The following ENPP5 variants were observed in gnomAD, a reference collection of about 807,000 sequenced individuals.
The protein encoded by ENPP5 is ectonucleotide pyrophosphatase/phosphodiesterase family member 5.
ENPP5 carries 27 observed loss-of-function variants against 33.7 expected under a neutral mutation model. That is an observed-to-expected ratio of 0.80 (90% CI 0.59 to 1.11). ENPP5 has a LOEUF of 1.11. Among genes scored for constraint, ENPP5 ranks in the 50% least tolerant of loss-of-function variants. ENPP5 has a pLI of 0.00. For synonymous variants in ENPP5, 199 were observed against 200.5 expected (o/e 0.99, Z 0.06); for missense variants, 552 against 579.2 (o/e 0.95, Z 0.48).
Position 46,160,994 on chromosome 6 carries a change from T to A in ENPP5, c.*332A>T. 1 of 211,782 alleles carries A rather than the reference T, an allele frequency of 4.7e-6. No individual in the cohort carries two copies. The highest frequency in any genetic ancestry group is 9.7e-6 in the Non-Finnish European group (1 of 103,560). The allele number at this position is 211,782 out of a possible 1,614,324, so 13.1% of individuals were successfully genotyped here. On this transcript the variant is annotated 3_prime_UTR_variant, in exon 5 of 5. Coordinates refer to ENST00000371383, the MANE Select transcript of ENPP5 (RefSeq NM_001290072.2). ...ATTAAAGTACCCATCAGGAGAGAAATTTAAAGTGCAATACATAAGGTACTT... is the reference window on the plus strand; with the variant it reads ...ATTAAAGTACCCATCAGGAGAGAAAATTAAAGTGCAATACATAAGGTACTT...
chr6:46,165,287 G>A, intron 4 of ENPP5, 100 bp downstream of exon 4: 1 of 928,566 alleles, frequency 1.1e-6, no homozygotes, highest in Admixed American at 2.8e-5. Flanking sequence ...GTAACAGACA[G>A]TAAAAATATC....
Position 46,168,265 on chromosome 6 carries a change from T to G in ENPP5, c.-3A>C. 6.6e-7 allele frequency: 1 copy of G among 1,524,910 alleles called. No individual in the cohort carries two copies. Among genetic ancestry groups the G allele is most frequent in the Non-Finnish European group, 9.0e-7 (1 of 1,112,942 alleles). 94.5% of individuals were successfully genotyped at this position (1,524,910 alleles called of 1,614,324 possible). A position where few individuals can be genotyped will look rare whatever the true frequency, so the allele number is the denominator to read the frequency against. ...ACCAAGAGAAATTTCGAAGTCATTT[T>G]CAAAGTACTTGATCAGTTCAGTGTA... On this transcript the variant is annotated 5_prime_UTR_variant, in exon 3 of 5. Coordinates refer to ENST00000371383, the MANE Select transcript of ENPP5 (RefSeq NM_001290072.2).
rs1313797504 is a variant in ENPP5, at chr6:46,161,734, A to G, written c.1026T>C (p.Asp342=). The change falls in exon 5 of 5, where the codon GAT becomes GAC. Residue 342 remains aspartate, a synonymous_variant. Transcript: ENST00000371383. ...DDFLLGNHGY[D]NALADMHPIF... is the part of the protein sequence containing the mutation. ...TTGGATGCATATCTGCTAACGCATT[A>G]TCGTAACCGTGGTTGCCTACTGTAA... is the stretch of plus-strand genomic sequence containing the variant. The G allele has an allele frequency of 1.9e-6, 3 of 1,610,362 alleles. No individual in the cohort carries two copies. Among genetic ancestry groups the G allele is most frequent in the East Asian group, 2.2e-5 (1 of 44,886 alleles).
Position 46,161,211 on chromosome 6 carries a change from C to T in ENPP5, c.*115G>A. ...TGTGTGTGTATACCTAAATATGTAA[C>T]TGCTTAATGGTTTCTGCAAATGTTT... On this transcript the variant is annotated 3_prime_UTR_variant, in exon 5 of 5. Coordinates refer to ENST00000371383, the MANE Select transcript of ENPP5 (RefSeq NM_001290072.2). The T allele has an allele frequency of 1.3e-6, 1 of 790,572 alleles. No individual in the cohort carries two copies. Among genetic ancestry groups the T allele is most frequent in the Non-Finnish European group, 2.0e-6 (1 of 503,038 alleles). The allele number at this position is 790,572 out of a possible 1,614,324, so 49.0% of individuals were successfully genotyped here.
chr6:46,164,486 A>C (rs1489697604), intron 4 of ENPP5, among the ~76,000 whole-genome samples: 3 of 152,226 alleles, frequency 2.0e-5, no homozygotes, highest in Admixed American at 2.0e-4. Flanking sequence ...ATTAAACATA[A>C]TATAAATTGA....
rs1028533114 is a variant in ENPP5 at position 46,167,670 on chromosome 6, C to T, written c.593G>A (p.Gly198Glu). 8 of 1,614,050 alleles carry T rather than the reference C, an allele frequency of 5.0e-6. No homozygotes were observed. The Admixed American group carries it at 1.0e-4, about 20-fold the overall frequency. Residue 198 changes from glycine (G) to glutamate (E), a missense_variant, in exon 3 of 5, where the codon GGA becomes GAA. Gly to Glu is a moderately conservative substitution (Grantham distance 98, BLOSUM62 -2). Transcript: ENST00000371383. The stretch of plus-strand genomic sequence containing the variant: ...AGGCCCCATGAGCGGACTGTCAGGT[C>T]CCAAATGGTGGCCCATGTCATCAGG... ...EDPDDMGHHL[G>E]PDSPLMGPVI...
intron 2 of ENPP5, among the ~76,000 whole-genome samples, chr6:46,169,760 T>C (rs1764681326): frequency 6.6e-6 from 1 of 152,208 alleles, no homozygotes; most frequent in African/African-American, 2.4e-5. Context: ...TACAGGTAAA[T>C]AAAAACTACT....
intron 2 of ENPP5, among the ~76,000 whole-genome samples, chr6:46,168,832 A>T (rs939450436): frequency 7.9e-5 from 12 of 152,048 alleles, no homozygotes; most frequent in African/African-American, 1.7e-4. Flanking sequence ...CAGACAAAAG[A>T]TGTATTACTA....
chr6:46,166,669 T>A (rs899616711), intron 3 of ENPP5, among the ~76,000 whole-genome samples: 2 of 106,260 alleles, frequency 1.9e-5, no homozygotes, highest in African/African-American at 5.5e-5. Context: ...CGCTGTTTCA[T>A]ATGATTCTAA....
rs1446965174 is a variant in ENPP5 at position 46,160,639 on chromosome 6, G to A, written c.*687C>T. 2 of 152,110 alleles carry A rather than the reference G, an allele frequency of 1.3e-5. No homozygotes were observed. The highest frequency in any genetic ancestry group is 3.8e-4 in the East Asian group (2 of 5,200). The allele number at this position is 152,110 out of a possible 1,614,324, so 9.4% of individuals were successfully genotyped here. A position where few individuals can be genotyped will look rare whatever the true frequency, so the allele number is the denominator to read the frequency against. On this transcript the variant is annotated 3_prime_UTR_variant, in exon 5 of 5. Coordinates refer to ENST00000371383, the MANE Select transcript of ENPP5 (RefSeq NM_001290072.2). ...GAAACAATATATTTAGAACGAATCT[G>A]TCAGTATTTGACTCTCTTTTGAGGG...
intron 2 of ENPP5, among the ~76,000 whole-genome samples, chr6:46,169,394 CTTT>C (rs58296228): frequency 7.9e-5 from 11 of 138,724 alleles, no homozygotes; most frequent in Non-Finnish European, 9.5e-5. Context: ...CTGAAGACTT[CTTT>C]TTTTTTTTTT....
At position 46,159,832 on chromosome 6, in the gene ENPP5, T is replaced by G. The variant is rs1427220050; in HGVS notation, c.*1494A>C. Reference sequence around the variant, plus strand: ...ATATATACATGAAATCACAGTACTATCCATGTGTCTGTAAAATGCTATTTT... The same window carrying G: ...ATATATACATGAAATCACAGTACTAGCCATGTGTCTGTAAAATGCTATTTT... On this transcript the variant is annotated 3_prime_UTR_variant, in exon 5 of 5. Coordinates refer to ENST00000371383, the MANE Select transcript of ENPP5 (RefSeq NM_001290072.2). 6.6e-6 allele frequency: 1 copy of G among 152,206 alleles called. No homozygotes were observed. The highest frequency in any genetic ancestry group is 1.5e-5 in the Non-Finnish European group (1 of 68,034). 9.4% of individuals were successfully genotyped at this position (152,206 alleles called of 1,614,324 possible).
Position 46,165,542 on chromosome 6 carries a change from T to C in ENPP5, c.851A>G (p.Glu284Gly). 1 of 1,575,658 alleles carries C rather than the reference T, an allele frequency of 6.3e-7. No homozygotes were observed. Residue 284 changes from glutamate (E) to glycine (G), a missense_variant, in exon 4 of 5, where the codon GAA becomes GGA. Transcript: ENST00000371383. The stretch of plus-strand genomic sequence containing the variant: ...ATTAGGATGAGCGTGAGTTAGTGCT[T>C]CATAGACTTCATCAAATTTACCTAA... ...PKEGKFDEVY[E>G]ALTHAHPNLT...
At chr6:46,164,592 T>A (rs1010475777) in intron 4 of ENPP5, among the ~76,000 whole-genome samples, 1 of 152,164 alleles carries the variant, frequency 6.6e-6, no homozygotes, top group Non-Finnish European at 1.5e-5. Flanking sequence ...TGAATTTATA[T>A]TAACTTTAAA....
At chr6:46,163,990 A>T (rs905509616) in intron 4 of ENPP5, among the ~76,000 whole-genome samples, 4 of 152,180 alleles carry the variant, frequency 2.6e-5, no homozygotes, top group Admixed American at 6.5e-5. Flanking sequence ...AACCATAAAA[A>T]CCCTAGAAGA....
Position 46,161,424 on chromosome 6 carries a change from C to G in ENPP5, c.1336G>C (p.Val446Leu). The change falls in exon 5 of 5, where the codon GTA (valine) becomes CTA (leucine). Residue 446 changes from valine (V) to leucine (L), a missense_variant. Transcript: ENST00000371383. Reference sequence around the variant, plus strand: ...TGCTTAATGAAAATTACAAAAAATACAATCACTATAATGCTGCCAAGAGAG... The same window carrying G: ...TGCTTAATGAAAATTACAAAAAATAGAATCACTATAATGCTGCCAAGAGAG... ...GVSLGSIIVI[V>L]FFVIFIKHLI... 1 of 1,613,686 alleles carries G rather than the reference C, an allele frequency of 6.2e-7. No individual in the cohort carries two copies. Among genetic ancestry groups the G allele is most frequent in the Non-Finnish European group, 8.5e-7 (1 of 1,179,678 alleles).
At chr6:46,161,820 G>T in intron 4 of ENPP5, 67 bp from the exon 5 acceptor site, 4 of 1,164,774 alleles carry the variant, frequency 3.4e-6, no homozygotes, top group Non-Finnish European at 4.9e-6. Flanking sequence ...TTGTTGTATG[G>T]TCAAATTCTG....
Position 46,161,303 on chromosome 6 carries a change from T to C in ENPP5, c.*23A>G. 2 of 1,584,606 alleles carry C rather than the reference T, an allele frequency of 1.3e-6. No homozygotes were observed. Among genetic ancestry groups the C allele is most frequent in the South Asian group, 1.2e-5 (1 of 86,772 alleles). On this transcript the variant is annotated 3_prime_UTR_variant, in exon 5 of 5. Coordinates refer to ENST00000371383, the MANE Select transcript of ENPP5 (RefSeq NM_001290072.2). ...TAATTATGGAATCTCCACTTCAATA[T>C]GCAAATCCACTTCAAAGTAACATTA...
intron 3 of ENPP5, among the ~76,000 whole-genome samples, chr6:46,166,453 T>A (rs1764549759): frequency 6.7e-6 from 1 of 149,576 alleles, no homozygotes; most frequent in Admixed American, 6.7e-5. Context: ...GGCTATTTTT[T>A]TTTTTTTTTT....
Sources: gnomAD v4.1 joint callset for allele counts (sites outside exome capture counted in the v4.1 genomes callset) on GRCh38, gnomAD v4.1.1 for gene constraint, MANE v1.5 for transcripts, NCBI Gene and HGNC (gene_info 2026-07-23, HGNC 2026-07-21) for gene names.